The following IRS2 variants were observed in gnomAD, a reference collection of about 807,000 sequenced individuals.
The protein encoded by IRS2 is insulin receptor substrate 2.
Under a neutral mutation model 70.9 loss-of-function variants are expected in IRS2, and 28 were observed. That is an observed-to-expected ratio of 0.39 (90% confidence interval 0.29 to 0.54). The LOEUF (loss-of-function observed/expected upper bound fraction) is 0.54, where lower values mean the gene tolerates loss of function less well. Ranked by LOEUF, IRS2 falls within the 20% of genes least tolerant of loss-of-function variation. The probability of loss-of-function intolerance (pLI) is 0.59; values close to 1 mark genes in which losing one functional copy is unlikely to be tolerated. For missense variants in IRS2, 2,081 were observed against 2,024.1 expected (o/e 1.03, Z -0.54); for synonymous variants, 1,217 against 981.9 (o/e 1.24, Z -4.48).
rs1328503621 is a variant in IRS2, at chr13:109,784,081, G to A, written c.1973C>T (p.Pro658Leu). The A allele has an allele frequency of 6.3e-7, 1 of 1,582,966 alleles. No individual in the cohort carries two copies. The highest frequency in any genetic ancestry group is 8.5e-7 in the Non-Finnish European group (1 of 1,171,914). ...GADDGYMPMTPGAALAGSGSG... is the reference protein window; with the variant it reads ...GADDGYMPMTLGAALAGSGSG... ...CCCACTGCCCGCGAGGGCCGCGCCGGGCGTCATGGGCATGTAGCCGTCGTC... is the reference window on the plus strand; with the variant it reads ...CCCACTGCCCGCGAGGGCCGCGCCGAGCGTCATGGGCATGTAGCCGTCGTC... Residue 658 changes from proline (P) to leucine (L), a missense_variant, in exon 1 of 2, where the codon CCC (proline) becomes CTC (leucine). Pro to Leu is a moderately conservative substitution (Grantham distance 98). Transcript: ENST00000375856. This position sits in a 1 kb window ranked among gnomAD's most constrained non-coding sequence, Gnocchi z 5.2.
rs181042644 is a variant in IRS2, at chr13:109,754,589, A to G, written c.*1715T>C. The G allele has an allele frequency of 5.0e-6, 1 of 200,346 alleles. No individual in the cohort carries two copies. 12.4% of individuals were successfully genotyped at this position (200,346 alleles called of 1,614,324 possible). ...CCTTCCAGCTAACATTATATGGCCT[A>G]TGCACTGCTGTGATGTATAATTTCA... On this transcript the variant is annotated 3_prime_UTR_variant, in exon 2 of 2. Coordinates refer to ENST00000375856, the MANE Select transcript of IRS2 (RefSeq NM_003749.3).
At chr13:109,774,498 T>A (rs1877527301) in intron 1 of IRS2, among the ~76,000 whole-genome samples, 1 of 152,178 alleles carries the variant, frequency 6.6e-6, no homozygotes, top group Non-Finnish European at 1.5e-5. Context: ...TGATTAACTA[T>A]CACTCCAGCA....
chr13:109,762,198 C>A (rs767285643), intron 1 of IRS2, among the ~76,000 whole-genome samples: 4 of 152,224 alleles, frequency 2.6e-5, no homozygotes, highest in Non-Finnish European at 5.9e-5. Flanking sequence ...ATGAAGTGAG[C>A]TATTCGTCTA....
At chr13:109,761,978 T>C (rs1877236442) in intron 1 of IRS2, among the ~76,000 whole-genome samples, 1 of 152,218 alleles carries the variant, frequency 6.6e-6, no homozygotes, top group African/African-American at 2.4e-5. Context: ...TGTTTAATCC[T>C]GCACATAAGA....
chr13:109,765,775 A>T (rs75858903), intron 1 of IRS2, among the ~76,000 whole-genome samples: 50 of 36,450 alleles, frequency 1.4e-3, no homozygotes, highest in Admixed American at 2.9e-3. Flanking sequence ...CCCAGCCTCA[A>T]CCACCCTGAC....
intron 1 of IRS2, among the ~76,000 whole-genome samples, chr13:109,780,947 C>A (rs1877682025): frequency 6.6e-6 from 1 of 152,192 alleles, no homozygotes; most frequent in South Asian, 2.1e-4. Context: ...GCTCTCTCTC[C>A]TCATGGATAT....
chr13:109,757,870 C>T (rs113195754), intron 1 of IRS2, among the ~76,000 whole-genome samples: 3 of 152,160 alleles, frequency 2.0e-5, no homozygotes, highest in Non-Finnish European at 2.9e-5. Context: ...TTAGTAGAGA[C>T]GGGGTTTCAC....
chr13:109,767,728 C>CTT lies in IRS2; in HGVS notation c.4013-11422_4013-11421dup, dbSNP rs748211544. Reference sequence around the variant, plus strand: ...TGGAAAATCAGCTCGACCATTTTTCCTTTTTTTTTTTTTTTTTTTTTTGAG... The same window carrying CTT: ...TGGAAAATCAGCTCGACCATTTTTCCTTTTTTTTTTTTTTTTTTTTTTTTGAG... On this transcript the variant is annotated intron_variant, in intron 1 of 1. Transcript: ENST00000375856. Among the ~76,000 whole-genome samples the CTT allele has an allele frequency of 5.2e-3, 622 of 119,756 alleles. 3 individuals are homozygous for CTT. The highest frequency in any genetic ancestry group is 6.6e-3 in the Non-Finnish European group (387 of 58,212). The allele number at this position is 119,756 out of a possible 152,430, so 78.6% of individuals were successfully genotyped here.
At chr13:109,774,442 C>T (rs1350012826) in intron 1 of IRS2, among the ~76,000 whole-genome samples, 1 of 152,096 alleles carries the variant, frequency 6.6e-6, no homozygotes, top group Non-Finnish European at 1.5e-5. Flanking sequence ...CTCAATGGTC[C>T]CCATTTTCCT....
At position 109,752,781 on chromosome 13, in the gene IRS2, A is replaced by G. The variant is rs1877012331; in HGVS notation, c.*3523T>C. ...ATTTTAGGGCAAAGTGGATGCACGG[A>G]CAAATGTTTCAAGCAAGGAGGTAAA... On this transcript the variant is annotated 3_prime_UTR_variant, in exon 2 of 2. Transcript: ENST00000375856. The G allele has an allele frequency of 6.6e-6, 1 of 152,204 alleles. No homozygotes were observed. Among genetic ancestry groups the G allele is most frequent in the Non-Finnish European group, 1.5e-5 (1 of 68,032 alleles). 9.4% of individuals were successfully genotyped at this position (152,204 alleles called of 1,614,324 possible).
chr13:109,782,511 A>G lies in IRS2; in HGVS notation c.3543T>C (p.Ser1181=). Residue 1181 remains serine (S), a synonymous_variant, in exon 1 of 2, where the codon TCT becomes TCC. Transcript: ENST00000375856. The part of the protein sequence containing the change: ...RHNSASVENV[S]LRKSSEGGVG... ...CGCCGCCCTCGCTGCTTTTCCTGAG[A>G]GAGACATTTTCCACGGAGGCCGAGT... The G allele has an allele frequency of 6.4e-7, 1 of 1,554,534 alleles. No individual in the cohort carries two copies. The highest frequency in any genetic ancestry group is 8.7e-7 in the Non-Finnish European group (1 of 1,149,772).
At position 109,785,875 on chromosome 13, in the gene IRS2, G is replaced by A. The variant is rs1594393125; in HGVS notation, c.179C>T (p.Ala60Val). 3 of 1,505,220 alleles carry A rather than the reference G, an allele frequency of 2.0e-6. 1 individual carries two copies. The South Asian group carries it at 3.7e-5, about 19-fold the overall frequency. The allele number at this position is 1,505,220 out of a possible 1,614,324, so 93.2% of individuals were successfully genotyped here. A position where few individuals can be genotyped will look rare whatever the true frequency, so the allele number is the denominator to read the frequency against. ...LRGPGAGGDE[A>V]TAGGGSAPQP... The stretch of plus-strand genomic sequence containing the variant: ...CGGCGCCGACCCCCCGCCCGCCGTC[G>A]CCTCGTCGCCGCCCGCGCCGGGTCC... Residue 60 changes from alanine (A) to valine (V), a missense_variant, in exon 1 of 2, where the codon GCG becomes GTG. By Grantham distance (64) the Ala-to-Val change is moderately conservative. Coordinates refer to ENST00000375856, the MANE Select transcript of IRS2 (RefSeq NM_003749.3). This position sits in a 1 kb window ranked among gnomAD's most constrained non-coding sequence, Gnocchi z 9.3.
rs1182004174 is a variant in IRS2 at position 109,783,510 on chromosome 13, G to A, written c.2544C>T (p.Ser848=). 2 of 1,547,486 alleles carry A rather than the reference G, an allele frequency of 1.3e-6. No homozygotes were observed. Among genetic ancestry groups the A allele is most frequent in the Non-Finnish European group, 1.7e-6 (2 of 1,146,146 alleles). The change falls in exon 1 of 2, where the codon AGC becomes AGT. Residue 848 remains serine, a synonymous_variant. Transcript: ENST00000375856. ...CGGCCCCGAAGGCGCTGGCCGCCTG[G>A]CTGGGCCCTGGCGTGGCCTGAGGCT... ...RLEPQATPGP[S]QAASAFGAGP...
At chr13:109,761,570 C>A in intron 1 of IRS2, among the ~76,000 whole-genome samples, 2 of 139,002 alleles carry the variant, frequency 1.4e-5, no homozygotes, top group Admixed American at 7.7e-5. Context: ...TTTACTAAAG[C>A]AAGACACTCT....
At chr13:109,779,175 T>C (rs900453052) in intron 1 of IRS2, among the ~76,000 whole-genome samples, 5 of 152,230 alleles carry the variant, frequency 3.3e-5, no homozygotes, top group Non-Finnish European at 4.4e-5. Context: ...GTGCCAGACA[T>C]GGCTGGAACC....
In IRS2 at chr13:109,754,857, AAAC is replaced by A. The variant is rs1203794179; in HGVS notation, c.*1444_*1446del. On this transcript the variant is annotated 3_prime_UTR_variant, in exon 2 of 2. Transcript: ENST00000375856. ...TATATATTTTTCTAAAAACAAAACA[AAAC>A]AAAACCAACAACTTACATCTCCAAT... The A allele has an allele frequency of 4.9e-6, 1 of 202,392 alleles. No homozygotes were observed. Among genetic ancestry groups the A allele is most frequent in the Non-Finnish European group, 1.0e-5 (1 of 98,708 alleles). The allele number at this position is 202,392 out of a possible 1,614,324, so 12.5% of individuals were successfully genotyped here.
intron 1 of IRS2, among the ~76,000 whole-genome samples, chr13:109,759,346 G>C (rs1877178998): frequency 6.6e-6 from 1 of 152,160 alleles, no homozygotes; most frequent in Non-Finnish European, 1.5e-5. Flanking sequence ...CTGATTCCAG[G>C]TGACCCTTTG....
chr13:109,783,707 AGTC>A lies in IRS2; in HGVS notation c.2344_2346del (p.Asp782del). On this transcript the variant is annotated inframe_deletion, in exon 1 of 2. Transcript: ENST00000375856. ...CCGGGGTGCAGGGCTGCGGAGAAGA[AGTC>A]GGGCGGGGTGCCCGTGGTGACCGCG... The A allele has an allele frequency of 1.3e-6, 2 of 1,569,102 alleles. No homozygotes were observed. The highest frequency in any genetic ancestry group is 1.7e-6 in the Non-Finnish European group (2 of 1,157,120).
intron 1 of IRS2, among the ~76,000 whole-genome samples, chr13:109,759,767 G>A (rs74765657): frequency 6.6e-6 from 1 of 152,008 alleles, no homozygotes; most frequent in Non-Finnish European, 1.5e-5. Flanking sequence ...AGGGCTCTCT[G>A]TAGTTCACAC....
Sources: allele counts gnomAD v4.1 joint callset (sites outside exome capture counted in the v4.1 genomes callset), GRCh38; gene constraint gnomAD v4.1.1; non-coding constraint Gnocchi (gnomAD v3.1); transcripts MANE v1.5; gene names NCBI Gene and HGNC (gene_info 2026-07-23, HGNC 2026-07-21).